ORC5: variants seen among roughly 807,000 people sequenced by gnomAD.
The protein encoded by ORC5 is protein phosphatase 1, regulatory subunit 117.
A neutral mutation model predicts 58.8 loss-of-function variants in ORC5; 39 were observed. That is an observed-to-expected ratio of 0.66 (90% CI 0.51 to 0.87). The LOEUF (loss-of-function observed/expected upper bound fraction) is 0.87, where lower values mean the gene tolerates loss of function less well. Ranked by LOEUF, ORC5 falls within the 40% of genes least tolerant of loss-of-function variation. ORC5 has a pLI of 0.00. For synonymous variants in ORC5, 218 were observed against 177.6 expected (o/e 1.23, Z -1.81); for missense variants, 493 against 506.3 (o/e 0.97, Z 0.25).
chr7:104,183,215 T>C (rs1799472158), intron 8 of ORC5, among the ~76,000 whole-genome samples: 1 of 151,068 alleles, frequency 6.6e-6, no homozygotes, highest in African/African-American at 2.5e-5. Context: ...CCAACACCTA[T>C]GGAACACACA....
intron 13 of ORC5, among the ~76,000 whole-genome samples, chr7:104,132,916 T>C (rs1798534724): frequency 6.6e-6 from 1 of 152,072 alleles, no homozygotes; most frequent in African/African-American, 2.4e-5. Context: ...ATCTAAAGGT[T>C]ATGTAGCAGT....
chr7:104,148,306 C>G (rs896638956), intron 12 of ORC5, among the ~76,000 whole-genome samples: 2 of 152,140 alleles, frequency 1.3e-5, no homozygotes, highest in Non-Finnish European at 2.9e-5. Context: ...CTACCCCAAA[C>G]AAGGAGCTAT....
chr7:104,128,437 A>T (rs17133236), intron 13 of ORC5, among the ~76,000 whole-genome samples: 4,174 of 152,200 alleles, frequency 0.027, 176 homozygotes, highest in African/African-American at 0.096. Context: ...CATGGTTTTT[A>T]AAAAATCGTG....
chr7:104,146,661 G>C (rs1041237805), intron 12 of ORC5, among the ~76,000 whole-genome samples: 3 of 152,208 alleles, frequency 2.0e-5, no homozygotes, highest in Non-Finnish European at 2.9e-5. Context: ...GGGAGGAAGA[G>C]AGGAAGGTAT....
intron 12 of ORC5, among the ~76,000 whole-genome samples, chr7:104,150,556 AAAG>A (rs949772730): frequency 2.6e-5 from 4 of 152,190 alleles, no homozygotes; most frequent in Admixed American, 6.6e-5. Context: ...AAAAAAAAAA[AAAG>A]GAGAGTGGTT....
chr7:104,174,144 G>T (rs536108019), intron 8 of ORC5, among the ~76,000 whole-genome samples: 1 of 151,698 alleles, frequency 6.6e-6, no homozygotes, highest in South Asian at 2.1e-4. Context: ...GCGCCCGGCC[G>T]TAAAATTTTT....
At chr7:104,179,280 G>C (rs1316091164) in intron 8 of ORC5, among the ~76,000 whole-genome samples, 1 of 152,052 alleles carries the variant, frequency 6.6e-6, no homozygotes, top group Non-Finnish European at 1.5e-5. Context: ...AAATAATTTT[G>C]TGTGGTAAAT....
chr7:104,183,177 T>G (rs1354141047), intron 8 of ORC5, among the ~76,000 whole-genome samples: 2 of 152,116 alleles, frequency 1.3e-5, no homozygotes, highest in Non-Finnish European at 2.9e-5. Flanking sequence ...AACAGAACAA[T>G]GCTGGCCCAA....
chr7:104,176,691 G>T (rs2115931796), intron 8 of ORC5, among the ~76,000 whole-genome samples: 1 of 150,212 alleles, frequency 6.7e-6, no homozygotes, highest in African/African-American at 2.4e-5. Context: ...GTTGTTGGGA[G>T]CTCAGGATTT....
intron 12 of ORC5, among the ~76,000 whole-genome samples, chr7:104,145,573 C>CT (rs1284853123): frequency 2.6e-5 from 4 of 151,864 alleles, no homozygotes; most frequent in Admixed American, 6.6e-5. Context: ...AGAGCCTAGA[C>CT]AGAGGGTTAG....
At position 104,129,721 on chromosome 7, in the gene ORC5, A is replaced by G. The variant is rs6964490; in HGVS notation, c.1263-2828T>C. The stretch of plus-strand genomic sequence containing the variant: ...TGGCTTTCCATGGTCACAGATGCAT[A>G]TTATAGTCACGTAAGTATAATTTTA... On this transcript the variant is annotated intron_variant, in intron 13 of 13. Transcript: ENST00000297431. The surrounding 1 kb of genome is among the most constrained non-coding windows in gnomAD (Gnocchi z 4.9). Among the ~76,000 whole-genome samples, 836 of 152,340 alleles carry G rather than the reference A, an allele frequency of 5.5e-3. 11 individuals carry two copies. Among genetic ancestry groups the G allele is most frequent in the African/African-American group, 0.019 (778 of 41,582 alleles).
chr7:104,147,161 T>G (rs1798765659), intron 12 of ORC5, among the ~76,000 whole-genome samples: 1 of 152,136 alleles, frequency 6.6e-6, no homozygotes, highest in Non-Finnish European at 1.5e-5. Flanking sequence ...TTTGTAAAGA[T>G]TTTTAAATCT....
chr7:104,191,120 A>G (rs1347774232), intron 5 of ORC5, among the ~76,000 whole-genome samples: 13 of 129,490 alleles, frequency 1.0e-4, no homozygotes, highest in African/African-American at 2.3e-4. Flanking sequence ...AAAACTGCTG[A>G]AAAAAAAAAA....
Position 104,207,986 on chromosome 7 carries a change from G to C in ORC5, c.-82C>G. 7.4e-7 allele frequency: 1 copy of C among 1,354,450 alleles called. No homozygotes were observed. Among genetic ancestry groups the C allele is most frequent in the Non-Finnish European group, 1.0e-6 (1 of 955,650 alleles). The allele number at this position is 1,354,450 out of a possible 1,614,324, so 83.9% of individuals were successfully genotyped here. On this transcript the variant is annotated 5_prime_UTR_variant, in exon 1 of 14. Transcript: ENST00000297431. The stretch of plus-strand genomic sequence containing the variant: ...GACGGAGCCTCTCCCGAGTCTGGCG[G>C]CCCACGCTCCCGCCGGAAACCGGAC...
intron 4 of ORC5, among the ~76,000 whole-genome samples, chr7:104,196,225 A>G (rs572249356): frequency 6.2e-4 from 95 of 152,326 alleles, no homozygotes; most frequent in African/African-American, 2.2e-3. Context: ...AGGGTGATCT[A>G]CACTGAAAAG....
At chr7:104,144,525 G>A (rs138528935) in intron 12 of ORC5, among the ~76,000 whole-genome samples, 4,985 of 152,274 alleles carry the variant, frequency 0.033, 122 homozygotes, top group South Asian at 0.054. Flanking sequence ...GGAGGCCGAG[G>A]CAGGCAGATT....
intron 12 of ORC5, among the ~76,000 whole-genome samples, chr7:104,156,253 T>TA (rs1213770354): frequency 4.6e-5 from 7 of 150,988 alleles, no homozygotes; most frequent in East Asian, 1.9e-4. Context: ...AATAATAATC[T>TA]AAAAAAAAAT....
In ORC5 at chr7:104,207,956, C is replaced by G. The variant is rs374376730; in HGVS notation, c.-52G>C. On this transcript the variant is annotated 5_prime_UTR_variant, in exon 1 of 14. Coordinates refer to ENST00000297431, the MANE Select transcript of ORC5 (RefSeq NM_002553.4). ...GTGCAGCCAGCCCACAGGACCCTTG[C>G]ACAAGACGGAGCCTCTCCCGAGTCT... is the stretch of plus-strand genomic sequence containing the variant. 5 of 1,547,906 alleles carry G rather than the reference C, an allele frequency of 3.2e-6. No homozygotes were observed. The African/African-American group carries it at 4.1e-5, about 13-fold the overall frequency.
intron 8 of ORC5, among the ~76,000 whole-genome samples, chr7:104,183,123 G>C (rs371950612): frequency 1.2e-4 from 19 of 152,112 alleles, no homozygotes; most frequent in Non-Finnish European, 2.6e-4. Flanking sequence ...CAACAAGAGC[G>C]AAACTACGTC....
Sources: gnomAD v4.1 joint callset for allele counts (sites outside exome capture counted in the v4.1 genomes callset) on GRCh38, gnomAD v4.1.1 for gene constraint, Gnocchi (gnomAD v3.1) non-coding constraint, MANE v1.5 for transcripts, NCBI Gene and HGNC (gene_info 2026-07-23, HGNC 2026-07-21) for gene names.